Variants in FHL5 observed in about 807,000 individuals in gnomAD.
The protein encoded by FHL5 is four and a half LIM domains 5, also known as four and a half LIM domains protein 5.
A neutral mutation model predicts 32.0 loss-of-function variants in FHL5; 33 were observed. The ratio of observed to expected loss-of-function variants is 1.03; its 90% CI spans 0.78 to 1.38. The LOEUF (loss-of-function observed/expected upper bound fraction) is 1.38. FHL5 is among the 40% of genes most tolerant of loss of function. FHL5 has a pLI of 0.00. For missense variants in FHL5, 336 were observed against 343.9 expected, an observed-to-expected ratio of 0.98 and a Z score of 0.18; for synonymous variants, 114 against 113.6, an observed-to-expected ratio of 1.00 and a Z score of -0.02.
At chr6:96,615,337 A>T (rs922745138) in intron 5 of FHL5, among the ~76,000 whole-genome samples, 3 of 152,158 alleles carry the variant, frequency 2.0e-5, no homozygotes, top group Non-Finnish European at 4.4e-5. Context: ...TGTTTCCAAA[A>T]ATACCTGACT....
intron 1 of FHL5, among the ~76,000 whole-genome samples, chr6:96,601,548 A>G (rs1768892565): frequency 6.6e-6 from 1 of 152,128 alleles, no homozygotes; most frequent in South Asian, 2.1e-4. Context: ...AATATTATCA[A>G]TTTGGTAATC....
intron 3 of FHL5, 120 bp downstream of exon 3, chr6:96,605,044 C>G: frequency 1.7e-6 from 1 of 581,114 alleles, no homozygotes; most frequent in South Asian, 3.2e-5. Flanking sequence ...ATCTTTCTTA[C>G]TCTCTCAATC....
chr6:96,597,062 T>G lies in FHL5; in HGVS notation c.-12-6540T>G, dbSNP rs548564751. Among the ~76,000 whole-genome samples, 14 of 152,182 alleles carry G rather than the reference T, an allele frequency of 9.2e-5. No individual in the cohort carries two copies. The East Asian group carries it at 2.7e-3, about 29-fold the overall frequency. On this transcript the variant is annotated intron_variant, in intron 1 of 5. Transcript: ENST00000450218. The stretch of plus-strand genomic sequence containing the variant: ...TGAATACCCCAAATGCTTCCATCCT[T>G]TCCTCATTTCCACTTCATACTCACC...
chr6:96,565,914 A>G (rs1298232164), intron 1 of FHL5, among the ~76,000 whole-genome samples: 1 of 152,102 alleles, frequency 6.6e-6, no homozygotes, highest in African/African-American at 2.4e-5. Flanking sequence ...ATCAGGTACA[A>G]TGTGATATTT....
chr6:96,570,220 A>G (rs371567999), intron 1 of FHL5, among the ~76,000 whole-genome samples: 8 of 152,044 alleles, frequency 5.3e-5, no homozygotes, highest in African/African-American at 1.9e-4. Context: ...ATTTCTTCCT[A>G]ATTTCTGAAG....
intron 1 of FHL5, among the ~76,000 whole-genome samples, chr6:96,584,552 A>T (rs1283707050): frequency 6.6e-6 from 1 of 151,786 alleles, no homozygotes; most frequent in African/African-American, 2.4e-5. Context: ...GAAGATAATC[A>T]AAGATCTCTA....
chr6:96,608,615 A>G (rs915187898), intron 4 of FHL5, among the ~76,000 whole-genome samples: 36 of 152,362 alleles, frequency 2.4e-4, no homozygotes, highest in African/African-American at 8.7e-4. Context: ...TTAAACTACA[A>G]GTGCTTCAAA....
intron 5 of FHL5, 146 bp downstream of exon 5, chr6:96,610,904 T>C: frequency 1.6e-6 from 1 of 615,112 alleles, no homozygotes; most frequent in East Asian, 2.7e-5. Context: ...GGTGCATATA[T>C]ATGAGTATAA....
In FHL5 at chr6:96,610,652, T is replaced by C. The variant is rs992379874; in HGVS notation, c.585T>C (p.Asp195=). 1 of 1,613,526 alleles carries C rather than the reference T, an allele frequency of 6.2e-7. No individual in the cohort carries two copies. The highest frequency in any genetic ancestry group is 8.5e-7 in the Non-Finnish European group (1 of 1,179,568). The stretch of plus-strand genomic sequence containing the variant: ...TTCTGTGTAGTGGCTGTAGGAAAGA[T>C]CTCTGTGAAGAACAGTTCATGTCCA... ...ECFLCSGCRK[D]LCEEQFMSRD... Residue 195 remains aspartate (D), a synonymous_variant, in exon 5 of 6, where the codon GAT becomes GAC. Coordinates refer to ENST00000450218, the MANE Select transcript of FHL5 (RefSeq NM_001322466.2).
At chr6:96,590,355 A>G (rs546111748) in intron 1 of FHL5, among the ~76,000 whole-genome samples, 1 of 152,108 alleles carries the variant, frequency 6.6e-6, no homozygotes, top group South Asian at 2.1e-4. Flanking sequence ...TAGAGAGCTC[A>G]TACATTCTTA....
intron 1 of FHL5, among the ~76,000 whole-genome samples, chr6:96,593,945 G>C (rs1770974254): frequency 6.6e-6 from 1 of 151,574 alleles, no homozygotes; most frequent in Non-Finnish European, 1.5e-5. Context: ...ATTTTATTTT[G>C]GGGAAAAATT....
At chr6:96,599,496 C>T (rs562671725) in intron 1 of FHL5, among the ~76,000 whole-genome samples, 4 of 152,214 alleles carry the variant, frequency 2.6e-5, no homozygotes, top group African/African-American at 9.6e-5. Context: ...CACAGCCAAA[C>T]TTACATCTTT....
At position 96,604,903 on chromosome 6, in the gene FHL5, T is replaced by A. The variant is rs1393868171; in HGVS notation, c.313T>A (p.Cys105Ser). 2 of 1,609,638 alleles carry A rather than the reference T, an allele frequency of 1.2e-6. No individual in the cohort carries two copies. The highest frequency in any genetic ancestry group is 1.7e-6 in the Non-Finnish European group (2 of 1,177,758). Residue 105 changes from cysteine (C) to serine (S), a missense_variant, in exon 3 of 6, where the codon TGC becomes AGC. By Grantham distance (112) the Cys-to-Ser change is moderately radical. Transcript: ENST00000450218. ...CGAGTGCTCCTCCAAGTGCTTCCACTGCAAGAGGACCATCATGCCTGGTAG... is the reference window on the plus strand; with the variant it reads ...CGAGTGCTCCTCCAAGTGCTTCCACAGCAAGAGGACCATCATGCCTGGTAG... ...SNECSSKCFH[C>S]KRTIMPGSRK...
At chr6:96,606,161 G>A (rs1771274149) in intron 4 of FHL5, 90 bp downstream of exon 4, 7 of 1,083,336 alleles carry the variant, frequency 6.5e-6, no homozygotes, top group Non-Finnish European at 8.1e-6. Context: ...ATACTATTAT[G>A]TTATATCTGT....
At chr6:96,599,815 A>G (rs1169685945) in intron 1 of FHL5, among the ~76,000 whole-genome samples, 2 of 152,244 alleles carry the variant, frequency 1.3e-5, no homozygotes, top group African/African-American at 2.4e-5. Flanking sequence ...ATGCTAACCA[A>G]TTGGGGTACA....
At chr6:96,572,601 T>C (rs116829131) in intron 1 of FHL5, among the ~76,000 whole-genome samples, 293 of 152,282 alleles carry the variant, frequency 1.9e-3, no homozygotes, top group African/African-American at 6.9e-3. Context: ...TAGCCAATAG[T>C]CACATGGGCC....
chr6:96,597,577 A>T, intron 1 of FHL5, among the ~76,000 whole-genome samples: 1 of 152,210 alleles, frequency 6.6e-6, no homozygotes, highest in East Asian at 1.9e-4. Flanking sequence ...CTATAGAAAA[A>T]AGTTCAAATC....
chr6:96,614,628 A>G (rs1327797059), intron 5 of FHL5, among the ~76,000 whole-genome samples: 2 of 152,188 alleles, frequency 1.3e-5, no homozygotes, highest in East Asian at 1.9e-4. Context: ...GCCTCACTCC[A>G]TGGATGATAA....
At chr6:96,575,168 G>A (rs917577413) in intron 1 of FHL5, among the ~76,000 whole-genome samples, 1 of 152,088 alleles carries the variant, frequency 6.6e-6, no homozygotes, top group Admixed American at 6.6e-5. Flanking sequence ...ATATATGTAT[G>A]TCTCTCTCAT....
Sources: gnomAD v4.1 joint callset for allele counts (sites outside exome capture counted in the v4.1 genomes callset) on GRCh38, gnomAD v4.1.1 for gene constraint, MANE v1.5 for transcripts, NCBI Gene and HGNC (gene_info 2026-07-23, HGNC 2026-07-21) for gene names.